Variants in UNC13C observed in about 807,000 individuals in gnomAD.
The protein encoded by UNC13C is protein unc-13 homolog C.
Under a neutral mutation model 245.4 loss-of-function variants are expected in UNC13C, and 174 were observed. That is an observed-to-expected ratio of 0.71 (90% CI 0.63 to 0.80). UNC13C has a LOEUF of 0.80. Among genes scored for constraint, UNC13C ranks in the 30% least tolerant of loss-of-function variants. The probability of loss-of-function intolerance (pLI) is 0.00; values close to 1 mark genes in which losing one functional copy is unlikely to be tolerated. For missense variants in UNC13C, 2,829 were observed against 2,602.9 expected (o/e 1.09, Z -1.89); for synonymous variants, 992 against 895.1 (o/e 1.11, Z -1.93).
At chr15:54,506,528 C>T (rs906272218) in intron 22 of UNC13C, among the ~76,000 whole-genome samples, 5 of 151,946 alleles carry the variant, frequency 3.3e-5, no homozygotes, top group East Asian at 1.9e-4. Context: ...TGTACTTCAA[C>T]GAAGTATTGA....
At chr15:54,204,076 A>G (rs2034628666) in intron 4 of UNC13C, among the ~76,000 whole-genome samples, 1 of 151,736 alleles carries the variant, frequency 6.6e-6, no homozygotes, top group Non-Finnish European at 1.5e-5. Flanking sequence ...GTTCTCAGTC[A>G]TATGTGGGAG....
the UNC13C span, among the ~76,000 whole-genome samples, chr15:53,888,707 A>T: frequency 6.6e-6 from 1 of 152,168 alleles, no homozygotes; most frequent in African/African-American, 2.4e-5. Flanking sequence ...TCTTTAATCC[A>T]TCTTGAGTTG....
chr15:54,096,372 G>A (rs943846349), intron 2 of UNC13C, among the ~76,000 whole-genome samples: 1 of 151,838 alleles, frequency 6.6e-6, no homozygotes, highest in African/African-American at 2.4e-5. Context: ...CAAGAACTAT[G>A]GCCTCAAGAA....
At chr15:54,379,959 T>A (rs1567227030) in intron 17 of UNC13C, among the ~76,000 whole-genome samples, 1 of 152,174 alleles carries the variant, frequency 6.6e-6, no homozygotes, top group Non-Finnish European at 1.5e-5. Flanking sequence ...GATATATACA[T>A]TGCCTCACAT....
At chr15:54,326,862 T>G (rs1452757348) in intron 14 of UNC13C, among the ~76,000 whole-genome samples, 1 of 152,040 alleles carries the variant, frequency 6.6e-6, no homozygotes, top group Admixed American at 6.6e-5. Flanking sequence ...CAGTAAATTT[T>G]CAGGAATATT....
Position 54,304,235 on chromosome 15 carries a change from TGGCATGAG to T in UNC13C, c.4268+3874_4268+3881del, listed in dbSNP as rs903502168. On this transcript the variant is annotated intron_variant, in intron 13 of 32. Transcript: ENST00000260323. Reference sequence around the variant, plus strand: ...AGAAACTCGGAATTTGGTCAGGGTTTGGCATGAGGGCATGAGGGCCATAGATTCACTGG... The same window carrying T: ...AGAAACTCGGAATTTGGTCAGGGTTTGGCATGAGGGCCATAGATTCACTGG... Among the ~76,000 whole-genome samples, 37 of 152,076 alleles carry T rather than the reference TGGCATGAG, an allele frequency of 2.4e-4. 1 individual carries two copies. Among genetic ancestry groups the T allele is most frequent in the African/African-American group, 5.6e-4 (23 of 41,426 alleles).
chr15:53,976,917 G>C (rs1433519622), upstream of UNC13C: 1 of 152,150 alleles, frequency 6.6e-6, no homozygotes, highest in African/African-American at 2.4e-5. Context: ...GTATTGGCTA[G>C]CATGAGTTTT....
intron 30 of UNC13C, among the ~76,000 whole-genome samples, chr15:54,594,394 T>G (rs1898957374): frequency 6.6e-6 from 1 of 150,898 alleles, no homozygotes; most frequent in South Asian, 2.1e-4. Context: ...CTCCCAAGAT[T>G]GTACTCCCTT....
intron 4 of UNC13C, among the ~76,000 whole-genome samples, chr15:54,183,626 C>T (rs2033872630): frequency 6.6e-6 from 1 of 151,844 alleles, no homozygotes; most frequent in Admixed American, 6.6e-5. Flanking sequence ...ATTTATAGAA[C>T]TGAAGGACCA....
chr15:54,286,419 A>C (rs2140925046), intron 10 of UNC13C, among the ~76,000 whole-genome samples: 1 of 152,284 alleles, frequency 6.6e-6, no homozygotes, highest in East Asian at 1.9e-4. Flanking sequence ...TTCAATATTT[A>C]ACAGCTCTCT....
chr15:54,408,244 A>G (rs893428397), intron 18 of UNC13C, among the ~76,000 whole-genome samples: 5 of 145,478 alleles, frequency 3.4e-5, no homozygotes, highest in African/African-American at 5.0e-5. Context: ...GGCAAGAACC[A>G]TAGGCTCTGT....
At chr15:53,969,961 A>C in the UNC13C span, among the ~76,000 whole-genome samples, 15 of 151,778 alleles carry the variant, frequency 9.9e-5, no homozygotes, top group African/African-American at 2.9e-4. Flanking sequence ...ATCATATAGT[A>C]TGTTTTTGTT....
intron 30 of UNC13C, among the ~76,000 whole-genome samples, chr15:54,568,811 C>G (rs922435685): frequency 6.6e-6 from 1 of 152,104 alleles, no homozygotes; most frequent in Admixed American, 6.6e-5. Context: ...CTGGACTCAT[C>G]ATTGTTTCCT....
chr15:54,184,554 G>A (rs1376911057), intron 4 of UNC13C, among the ~76,000 whole-genome samples: 1 of 152,064 alleles, frequency 6.6e-6, no homozygotes, highest in Non-Finnish European at 1.5e-5. Flanking sequence ...TGCTGAGAAT[G>A]ATGGTTTCCA....
At chr15:54,502,199 A>C (rs945688536) in intron 22 of UNC13C, among the ~76,000 whole-genome samples, 14 of 152,152 alleles carry the variant, frequency 9.2e-5, no homozygotes, top group African/African-American at 3.1e-4. Flanking sequence ...AGCCACCTTG[A>C]GGGATGTAGT....
intron 10 of UNC13C, among the ~76,000 whole-genome samples, chr15:54,286,626 G>A (rs2037157623): frequency 6.6e-6 from 1 of 152,104 alleles, no homozygotes; most frequent in Non-Finnish European, 1.5e-5. Context: ...TTAATGATAG[G>A]AAATATCTAT....
chr15:54,203,159 T>C (rs191138783), intron 4 of UNC13C, among the ~76,000 whole-genome samples: 6 of 151,818 alleles, frequency 4.0e-5, no homozygotes, highest in Non-Finnish European at 7.4e-5. Flanking sequence ...ATGGCCATAA[T>C]AAAAATATCA....
chr15:54,579,256 T>A (rs1027531491), intron 30 of UNC13C, among the ~76,000 whole-genome samples: 3 of 152,210 alleles, frequency 2.0e-5, no homozygotes, highest in Admixed American at 1.3e-4. Flanking sequence ...CTCTGCCTGC[T>A]TATGGTTTTC....
intron 26 of UNC13C, among the ~76,000 whole-genome samples, chr15:54,536,900 A>G (rs1896005625): frequency 6.6e-6 from 1 of 152,122 alleles, no homozygotes; most frequent in Non-Finnish European, 1.5e-5. Flanking sequence ...AGCTGGAAGC[A>G]TTCCCCTTGA....
Sources: allele counts gnomAD v4.1 joint callset (sites outside exome capture counted in the v4.1 genomes callset), GRCh38; gene constraint gnomAD v4.1.1; transcripts MANE v1.5; gene names NCBI Gene and HGNC (gene_info 2026-07-23, HGNC 2026-07-21).